Variants in TBC1D5 observed in about 807,000 individuals in gnomAD.
TBC1D5 encodes TBC1 domain family, member 5.
TBC1D5 carries 75 observed loss-of-function variants against 100.3 expected under a neutral mutation model. That is an observed-to-expected ratio of 0.75 (90% CI 0.62 to 0.91). The LOEUF (loss-of-function observed/expected upper bound fraction) is 0.91, where lower values mean the gene tolerates loss of function less well. TBC1D5 is among the 40% of genes least tolerant of loss of function. The pLI, the probability that TBC1D5 is intolerant of heterozygous loss-of-function variation, is 0.00. For missense variants in TBC1D5, 910 were observed against 942.4 expected (o/e 0.97, Z 0.45); for synonymous variants, 323 against 325.6 (o/e 0.99, Z 0.09).
intron 3 of TBC1D5, 28 bp from the exon 4 acceptor site, chr3:17,428,547 T>C: frequency 7.9e-7 from 1 of 1,266,810 alleles, no homozygotes; most frequent in South Asian, 1.6e-5. Flanking sequence ...GACACTGAAA[T>C]AATGGAGATA....
chr3:17,475,864 TTAACTCCTATCAGCAAC>T (rs1466543270), intron 3 of TBC1D5, among the ~76,000 whole-genome samples: 31 of 152,158 alleles, frequency 2.0e-4, no homozygotes, highest in African/African-American at 7.5e-4. Flanking sequence ...TGAACCAACT[TTAACTCCTATCAGCAAC>T]GTAACAGAGC....
rs187111593 is a variant in TBC1D5, at chr3:17,465,677, A to C, written c.98-37158T>G. On this transcript the variant is annotated intron_variant, in intron 3 of 21. Transcript: ENST00000253692. The stretch of plus-strand genomic sequence containing the variant: ...TTTATACACTTTATAAATGTGAATA[A>C]AGTGATACTTCCTGCTGTTGCAAAC... Among the ~76,000 whole-genome samples the C allele has an allele frequency of 3.6e-3, 543 of 152,370 alleles. 5 individuals are homozygous for C. The highest frequency in any genetic ancestry group is 6.5e-3 in the Non-Finnish European group (439 of 68,036).
chr3:17,518,677 T>C (rs545797093), intron 2 of TBC1D5, among the ~76,000 whole-genome samples: 2 of 152,358 alleles, frequency 1.3e-5, no homozygotes, highest in African/African-American at 4.8e-5. Flanking sequence ...ACACTGATTC[T>C]TTGCCCTTCC....
At chr3:17,526,291 C>A (rs1290251643) in intron 2 of TBC1D5, among the ~76,000 whole-genome samples, 1 of 152,150 alleles carries the variant, frequency 6.6e-6, no homozygotes, top group African/African-American at 2.4e-5. Context: ...ATTCATAGCT[C>A]ACTGCACTCT....
At chr3:17,351,715 C>T (rs2090604675) in intron 13 of TBC1D5, among the ~76,000 whole-genome samples, 1 of 151,010 alleles carries the variant, frequency 6.6e-6, no homozygotes, top group South Asian at 2.1e-4. Flanking sequence ...TATCCCACAA[C>T]TTAAAGTATA....
At chr3:17,423,305 A>T (rs1352530371) in intron 4 of TBC1D5, among the ~76,000 whole-genome samples, 1 of 152,164 alleles carries the variant, frequency 6.6e-6, no homozygotes, top group Non-Finnish European at 1.5e-5. Context: ...AGCCAAAAGT[A>T]TGACTGTTTT....
At chr3:17,307,939 T>A in intron 14 of TBC1D5, 53 bp downstream of exon 14, 1 of 1,568,782 alleles carries the variant, frequency 6.4e-7, no homozygotes, top group Non-Finnish European at 8.6e-7. Flanking sequence ...GGCAAAACAT[T>A]TTTGAAAATC....
chr3:17,265,094 T>C (rs907052260), intron 15 of TBC1D5, among the ~76,000 whole-genome samples: 1 of 152,228 alleles, frequency 6.6e-6, no homozygotes, highest in African/African-American at 2.4e-5. Context: ...CATAGGTTTA[T>C]TAATATGAAA....
intron 8 of TBC1D5, among the ~76,000 whole-genome samples, chr3:17,388,633 G>A (rs1284092017): frequency 5.4e-5 from 8 of 149,410 alleles, no homozygotes; most frequent in Admixed American, 6.7e-5. Flanking sequence ...AGGATCCCTT[G>A]AGCCCAGGGG....
chr3:17,517,565 A>G (rs1213969412), intron 2 of TBC1D5, among the ~76,000 whole-genome samples: 1 of 152,202 alleles, frequency 6.6e-6, no homozygotes, highest in African/African-American at 2.4e-5. Flanking sequence ...ATATTCATGA[A>G]AAAAGTTAAC....
upstream of TBC1D5, among the ~76,000 whole-genome samples, chr3:17,741,521 A>T (rs1392638528): frequency 6.6e-6 from 1 of 152,262 alleles, no homozygotes; most frequent in Non-Finnish European, 1.5e-5. Context: ...GGGTCTAGAA[A>T]TTCCAGGCAA....
intron 2 of TBC1D5, among the ~76,000 whole-genome samples, chr3:17,523,930 G>A (rs1432486208): frequency 2.0e-5 from 3 of 152,158 alleles, no homozygotes; most frequent in Non-Finnish European, 4.4e-5. Context: ...CACAGTGGAG[G>A]ATGACTGGGA....
chr3:17,698,216 C>G (rs1288555812), intron 1 of TBC1D5, among the ~76,000 whole-genome samples: 1 of 152,186 alleles, frequency 6.6e-6, no homozygotes, highest in Non-Finnish European at 1.5e-5. Flanking sequence ...TGGAACAGAA[C>G]AGAGCCCTCA....
chr3:17,331,485 G>C (rs139143641), intron 13 of TBC1D5, among the ~76,000 whole-genome samples: 1 of 152,064 alleles, frequency 6.6e-6, no homozygotes, highest in Non-Finnish European at 1.5e-5. Flanking sequence ...ATACAATGAC[G>C]TATTACTAAA....
intron 1 of TBC1D5, among the ~76,000 whole-genome samples, chr3:17,717,269 A>AG (rs892400914): frequency 7.3e-6 from 1 of 137,668 alleles, no homozygotes; most frequent in South Asian, 2.4e-4. Context: ...AAAAAAAAAA[A>AG]GGGGGGTGGC....
intron 2 of TBC1D5, among the ~76,000 whole-genome samples, chr3:17,617,529 C>A (rs535868311): frequency 6.6e-6 from 1 of 152,322 alleles, no homozygotes; most frequent in Admixed American, 6.5e-5. Flanking sequence ...GCTTCAGGTA[C>A]ACCAATCAAA....
At chr3:17,573,054 C>T (rs1295017911) in intron 2 of TBC1D5, among the ~76,000 whole-genome samples, 2 of 152,054 alleles carry the variant, frequency 1.3e-5, no homozygotes, top group Non-Finnish European at 2.9e-5. Flanking sequence ...TACAGTAACT[C>T]ATCTCCTGGC....
At chr3:17,413,394 C>G (rs2093987078) in intron 4 of TBC1D5, among the ~76,000 whole-genome samples, 1 of 152,120 alleles carries the variant, frequency 6.6e-6, no homozygotes, top group African/African-American at 2.4e-5. Flanking sequence ...GGAATTGATA[C>G]CTTCCCTCTA....
intron 17 of TBC1D5, among the ~76,000 whole-genome samples, chr3:17,220,327 A>G (rs1012704569): frequency 6.6e-6 from 1 of 152,144 alleles, no homozygotes; most frequent in Non-Finnish European, 1.5e-5. Flanking sequence ...GATATTTTAT[A>G]TATGTGAACG....
Sources: allele counts gnomAD v4.1 joint callset (sites outside exome capture counted in the v4.1 genomes callset), GRCh38; gene constraint gnomAD v4.1.1; transcripts MANE v1.5; gene names NCBI Gene and HGNC (gene_info 2026-07-23, HGNC 2026-07-21).